DAZL: variants seen among roughly 807,000 people sequenced by gnomAD.
DAZL encodes the protein deleted in azoospermia-like.
DAZL carries 4 observed loss-of-function variants against 45.0 expected under a neutral mutation model. That is an observed-to-expected ratio of 0.09 (90% confidence interval 0.04 to 0.20). The LOEUF is 0.20. DAZL is among the 10% of genes least tolerant of loss of function. The probability of loss-of-function intolerance (pLI) is 1.00; values close to 1 mark genes in which losing one functional copy is unlikely to be tolerated. For missense variants in DAZL, 326 were observed against 351.3 expected (o/e 0.93, Z 0.58); for synonymous variants, 122 against 112.4 (o/e 1.09, Z -0.54).
intron 3 of DAZL, 95 bp downstream of exon 3, chr3:16,597,992 C>A: frequency 8.0e-7 from 1 of 1,252,230 alleles, no homozygotes; most frequent in Non-Finnish European, 1.1e-6. Context: ...AACACAGCAA[C>A]AAATTTATGT....
At chr3:16,592,309 C>A (rs1272188244) in intron 9 of DAZL, among the ~76,000 whole-genome samples, 161 bp from the exon 10 acceptor site, 1 of 152,040 alleles carries the variant, frequency 6.6e-6, no homozygotes. Flanking sequence ...GTAATCCCAG[C>A]ACTTTAGGAG....
chr3:16,597,028 T>A lies in DAZL; in HGVS notation c.318A>T (p.Lys106Asn). Reference protein sequence around the residue: ...IVESQINFHGKKLKLGPAIRK... With the variant: ...IVESQINFHGNKLKLGPAIRK... ...TGATTGCAGGGCCCAGCTTCAGCTT[T>A]TTACCATGGAAATTTATCTGTGACT... Residue 106 changes from lysine (K) to asparagine (N), a missense_variant, in exon 5 of 11, where the codon AAA becomes AAT. Transcript: ENST00000399444. 1 of 1,611,868 alleles carries A rather than the reference T, an allele frequency of 6.2e-7. No homozygotes were observed. Among genetic ancestry groups the A allele is most frequent in the Non-Finnish European group, 8.5e-7 (1 of 1,179,590 alleles).
chr3:16,595,491 C>G, intron 6 of DAZL, 106 bp from the exon 7 acceptor site: 1 of 632,730 alleles, frequency 1.6e-6, no homozygotes, highest in Non-Finnish European at 2.7e-6. Context: ...AAATATTTTT[C>G]TATATACAAC....
At chr3:16,593,078 T>C (rs1320772721) in intron 9 of DAZL, among the ~76,000 whole-genome samples, 1 of 152,222 alleles carries the variant, frequency 6.6e-6, no homozygotes, top group Non-Finnish European at 1.5e-5. Context: ...TGTTTCACTG[T>C]TTAAGTAAAT....
At chr3:16,604,537 A>G (rs1348254874) in intron 1 of DAZL, 3 of 1,464,576 alleles carry the variant, frequency 2.0e-6, no homozygotes, top group Non-Finnish European at 2.7e-6. Context: ...GCGCGAGGGG[A>G]CCAGAGGCAC....
rs1446116796 is a variant in DAZL, at chr3:16,587,222, T to C, written c.*1438A>G. ...TCAGAATGAAAATTTTAAGGAATTA[T>C]AGACCCTAGGGGGCACTAGTAATAT... is the stretch of plus-strand genomic sequence containing the variant. On this transcript the variant is annotated 3_prime_UTR_variant, in exon 11 of 11. Coordinates refer to ENST00000399444, the MANE Select transcript of DAZL (RefSeq NM_001351.4). The C allele has an allele frequency of 1.3e-5, 2 of 152,102 alleles. No homozygotes were observed. Among genetic ancestry groups the C allele is most frequent in the East Asian group, 1.9e-4 (1 of 5,194 alleles). 9.4% of individuals were successfully genotyped at this position (152,102 alleles called of 1,614,324 possible). A position where few individuals can be genotyped will look rare whatever the true frequency, so the allele number is the denominator to read the frequency against.
Position 16,596,865 on chromosome 3 carries a change from G to C in DAZL, c.383C>G (p.Pro128Arg), listed in dbSNP as rs1694608068. The change falls in exon 6 of 11, where the codon CCT becomes CGT. Residue 128 changes from proline to arginine, a missense_variant. Coordinates refer to ENST00000399444, the MANE Select transcript of DAZL (RefSeq NM_001351.4). ...NLCAYHVQPR[P>R]LVFNHPPPPQ... is the part of the protein sequence containing the mutation. ...TGGAGGAGGATGATTAAAAACCAAA[G>C]GACGTGGCTGCACATGATAAGCACC... The C allele has an allele frequency of 6.2e-7, 1 of 1,613,638 alleles. No homozygotes were observed. Among genetic ancestry groups the C allele is most frequent in the African/African-American group, 1.3e-5 (1 of 74,908 alleles).
intron 10 of DAZL, among the ~76,000 whole-genome samples, chr3:16,590,637 T>C (rs1300471877): frequency 1.3e-5 from 2 of 152,310 alleles, no homozygotes; most frequent in African/African-American, 4.8e-5. Context: ...TCCCAATGTC[T>C]TTAACAGATG....
At chr3:16,590,790 C>A (rs545511052) in intron 10 of DAZL, among the ~76,000 whole-genome samples, 12 of 151,580 alleles carry the variant, frequency 7.9e-5, no homozygotes, top group Admixed American at 2.0e-4. Context: ...ATTCCATATA[C>A]ATGAAATGTC....
intron 9 of DAZL, 146 bp from the exon 10 acceptor site, chr3:16,592,294 C>T (rs1694533000): frequency 4.8e-6 from 6 of 1,254,524 alleles, no homozygotes; most frequent in Middle Eastern, 2.7e-4. Context: ...TGGTGGCTCA[C>T]GCCTGTAATC....
At chr3:16,604,902 C>A in intron 1 of DAZL, 2 of 694,736 alleles carry the variant, frequency 2.9e-6, no homozygotes, top group Non-Finnish European at 4.7e-6. Flanking sequence ...AGAACCCGAA[C>A]CGGGAAATGG....
chr3:16,589,690 T>A (rs1694488856), intron 10 of DAZL, among the ~76,000 whole-genome samples: 1 of 152,162 alleles, frequency 6.6e-6, no homozygotes, highest in Admixed American at 6.5e-5. Context: ...AACTTCTGAT[T>A]CGTCTCCCAA....
intron 1 of DAZL, among the ~76,000 whole-genome samples, chr3:16,599,461 C>T (rs184319083): frequency 9.5e-4 from 144 of 152,088 alleles, no homozygotes; most frequent in Non-Finnish European, 1.8e-3. Flanking sequence ...GGAAATGGAT[C>T]ATGGAAACAT....
At chr3:16,591,433 A>G (rs1234831581) in intron 10 of DAZL, among the ~76,000 whole-genome samples, 1 of 143,764 alleles carries the variant, frequency 7.0e-6, no homozygotes, top group African/African-American at 2.6e-5. Context: ...ATATGCATGT[A>G]TTTTTTTTTT....
chr3:16,595,832 C>T (rs530076421), intron 6 of DAZL, among the ~76,000 whole-genome samples: 2 of 152,074 alleles, frequency 1.3e-5, no homozygotes, highest in East Asian at 1.9e-4. Context: ...TTTTTCTGTA[C>T]TTCATTTCGA....
At chr3:16,592,207 G>C in intron 9 of DAZL, 59 bp from the exon 10 acceptor site, 3 of 1,592,562 alleles carry the variant, frequency 1.9e-6, no homozygotes, top group South Asian at 2.2e-5. Context: ...TCTTAGTAAG[G>C]GTTTTTTTTT....
At position 16,588,063 on chromosome 3, in the gene DAZL, A is replaced by G. The variant is rs1259910472; in HGVS notation, c.*597T>C. The G allele has an allele frequency of 1.3e-5, 2 of 156,658 alleles. No individual in the cohort carries two copies. Among genetic ancestry groups the G allele is most frequent in the African/African-American group, 2.4e-5 (1 of 41,502 alleles). 9.7% of individuals were successfully genotyped at this position (156,658 alleles called of 1,614,324 possible). ...TGTGTGGATTCTAGCTAAAAGATAA[A>G]ATATTTTGAATAAACATATGACCCA... On this transcript the variant is annotated 3_prime_UTR_variant, in exon 11 of 11. Coordinates refer to ENST00000399444, the MANE Select transcript of DAZL (RefSeq NM_001351.4).
chr3:16,601,646 A>C (rs1694691020), intron 1 of DAZL, among the ~76,000 whole-genome samples: 1 of 152,228 alleles, frequency 6.6e-6, no homozygotes, highest in African/African-American at 2.4e-5. Context: ...TAAAGAAAGT[A>C]CCATCGTAAC....
At position 16,592,100 on chromosome 3, in the gene DAZL, G is replaced by T. The variant is rs1268927417; in HGVS notation, c.784C>A (p.Pro262Thr). ...IQTVVSCLFN[P>T]ENRLRNSVVT... ...ACAGAGTTTCTCAGTCTGTTCTCTG[G>T]ATTAAACAGACAAGATACCACCGTT... The change falls in exon 10 of 11, where the codon CCA becomes ACA. Residue 262 changes from proline (P) to threonine (T), a missense_variant. Pro to Thr is a conservative substitution (Grantham distance 38). This residue lies in a region of DAZL where 227 missense variants were observed against 216.6 expected (regional missense o/e 1.05). Coordinates refer to ENST00000399444, the MANE Select transcript of DAZL (RefSeq NM_001351.4). The T allele has an allele frequency of 6.2e-7, 1 of 1,613,580 alleles. No individual in the cohort carries two copies. The highest frequency in any genetic ancestry group is 8.5e-7 in the Non-Finnish European group (1 of 1,179,832).
Sources: allele counts gnomAD v4.1 joint callset (sites outside exome capture counted in the v4.1 genomes callset), GRCh38; gene constraint gnomAD v4.1.1; regional missense constraint gnomAD v4.1.1; transcripts MANE v1.5; gene names NCBI Gene and HGNC (gene_info 2026-07-23, HGNC 2026-07-21).